The following C2orf76 variants were observed in gnomAD, a reference collection of about 807,000 sequenced individuals.
C2orf76 encodes UPF0538 protein C2orf76.
C2orf76 carries 23 observed loss-of-function variants against 16.9 expected under a neutral mutation model. The observed-to-expected ratio is 1.36, with a 90% confidence interval of 0.98 to 1.93. The LOEUF is 1.93. Among genes scored for constraint, C2orf76 ranks in the 30% most tolerant of loss-of-function variants. The probability of loss-of-function intolerance (pLI) is 0.00; values close to 1 mark genes in which losing one functional copy is unlikely to be tolerated. For synonymous variants in C2orf76, 48 were observed against 52.3 expected, an observed-to-expected ratio of 0.92 and a Z score of 0.35; for missense variants, 152 against 152.6, an observed-to-expected ratio of 1.00 and a Z score of 0.02.
intron 4 of C2orf76, among the ~76,000 whole-genome samples, chr2:119,315,205 C>G (rs1395407458): frequency 6.6e-6 from 1 of 152,094 alleles, no homozygotes; most frequent in Non-Finnish European, 1.5e-5. Flanking sequence ...CACACACACA[C>G]ACACAGAGGA....
the C2orf76 span, among the ~76,000 whole-genome samples, chr2:119,293,589 G>C: frequency 1.3e-5 from 2 of 152,302 alleles, no homozygotes; most frequent in African/African-American, 4.8e-5. Flanking sequence ...AATTGTAGTG[G>C]GGTAGAAGTG....
the C2orf76 span, among the ~76,000 whole-genome samples, chr2:119,281,261 C>T: frequency 2.8e-3 from 424 of 152,280 alleles, 3 homozygotes; most frequent in African/African-American, 9.4e-3. Context: ...TTTTCTGCTC[C>T]TCTCCCTCCT....
the C2orf76 span, among the ~76,000 whole-genome samples, chr2:119,282,809 C>A: frequency 5.9e-5 from 9 of 152,174 alleles, no homozygotes; most frequent in African/African-American, 2.2e-4. Flanking sequence ...AAAAAATAAT[C>A]CAAATGTCAT....
At chr2:119,315,246 T>C (rs751557119) in intron 4 of C2orf76, among the ~76,000 whole-genome samples, 1 of 152,024 alleles carries the variant, frequency 6.6e-6, no homozygotes, top group Non-Finnish European at 1.5e-5. Context: ...CAGTCAGTCT[T>C]TTTATTGTGG....
intron 5 of C2orf76, among the ~76,000 whole-genome samples, chr2:119,308,859 G>C (rs1678882131): frequency 6.6e-6 from 1 of 152,136 alleles, no homozygotes; most frequent in Admixed American, 6.5e-5. Flanking sequence ...AAGTCTTATT[G>C]GTCAAACCGA....
In C2orf76 at chr2:119,302,370, C is replaced by A; in HGVS notation, c.*102G>T. 1.8e-6 allele frequency: 1 copy of A among 544,936 alleles called. No homozygotes were observed. Among genetic ancestry groups the A allele is most frequent in the Non-Finnish European group, 3.4e-6 (1 of 297,340 alleles). The allele number at this position is 544,936 out of a possible 1,614,324, so 33.8% of individuals were successfully genotyped here. A position where few individuals can be genotyped will look rare whatever the true frequency, so the allele number is the denominator to read the frequency against. On this transcript the variant is annotated 3_prime_UTR_variant, in exon 6 of 6. Transcript: ENST00000334816. ...CCAGATTTTAGCTCAAAGAGTATAG[C>A]CTGGGATTAATTTTTTAAGATTTGT...
chr2:119,331,499 C>T (rs1399044114), intron 2 of C2orf76, among the ~76,000 whole-genome samples: 4 of 152,196 alleles, frequency 2.6e-5, no homozygotes, highest in Non-Finnish European at 5.9e-5. Flanking sequence ...CTCTGCATAT[C>T]TTCAAAGATC....
intron 1 of C2orf76, among the ~76,000 whole-genome samples, chr2:119,363,109 A>T (rs1458826781): frequency 2.0e-5 from 3 of 151,776 alleles, no homozygotes; most frequent in African/African-American, 7.3e-5. Flanking sequence ...AAGCATTTCC[A>T]AAGTCCCTTC....
chr2:119,346,516 C>A (rs1397086795), intron 1 of C2orf76, among the ~76,000 whole-genome samples: 1 of 152,044 alleles, frequency 6.6e-6, no homozygotes, highest in Non-Finnish European at 1.5e-5. Context: ...GGGAATCAAG[C>A]TGAATGAAAA....
chr2:119,336,006 T>C (rs906748857), intron 2 of C2orf76, among the ~76,000 whole-genome samples: 1 of 152,240 alleles, frequency 6.6e-6, no homozygotes, highest in African/African-American at 2.4e-5. Context: ...GTTATCTAGA[T>C]AATTGGTTTG....
intron 3 of C2orf76, among the ~76,000 whole-genome samples, chr2:119,317,705 T>A (rs1264836501): frequency 2.0e-5 from 3 of 150,420 alleles, no homozygotes; most frequent in African/African-American, 7.5e-5. Flanking sequence ...TCTTTATCTT[T>A]TAAAGCCTTG....
At chr2:119,333,116 A>G (rs947951446) in intron 2 of C2orf76, among the ~76,000 whole-genome samples, 1 of 152,250 alleles carries the variant, frequency 6.6e-6, no homozygotes. Flanking sequence ...TAAAAACAAC[A>G]AAGCATTGCC....
chr2:119,311,426 C>G, intron 5 of C2orf76, 196 bp downstream of exon 5: 1 of 985,420 alleles, frequency 1.0e-6, no homozygotes, highest in Non-Finnish European at 1.2e-6. Flanking sequence ...ATTTGGAGAG[C>G]AGACACCTAC....
chr2:119,316,236 G>A (rs1224319233), intron 4 of C2orf76, among the ~76,000 whole-genome samples: 1 of 152,194 alleles, frequency 6.6e-6, no homozygotes, highest in African/African-American at 2.4e-5. Flanking sequence ...AAATATGGTG[G>A]CCACACATTC....
At chr2:119,322,514 T>C (rs1203167861) in intron 2 of C2orf76, among the ~76,000 whole-genome samples, 1 of 152,098 alleles carries the variant, frequency 6.6e-6, no homozygotes, top group Non-Finnish European at 1.5e-5. Context: ...AGCCGGAAAT[T>C]TATTATCATA....
chr2:119,360,888 T>C (rs1200468657), intron 1 of C2orf76, among the ~76,000 whole-genome samples: 1 of 152,172 alleles, frequency 6.6e-6, no homozygotes, highest in Non-Finnish European at 1.5e-5. Context: ...ACAAAAAGGC[T>C]ATATACCACA....
At chr2:119,301,268 C>T (rs114820185), downstream of C2orf76, among the ~76,000 whole-genome samples, 545 of 152,318 alleles carry the variant, frequency 3.6e-3, 4 homozygotes, top group African/African-American at 0.012. Flanking sequence ...CAACACTTTG[C>T]TCCTGAATGA....
At chr2:119,289,583 G>T in the C2orf76 span, among the ~76,000 whole-genome samples, 1 of 151,950 alleles carries the variant, frequency 6.6e-6, no homozygotes, top group African/African-American at 2.4e-5. Flanking sequence ...CTACTTGGGA[G>T]GCTGAGGCAG....
At chr2:119,301,104 C>CACACACACACAA (rs531243604), downstream of C2orf76, among the ~76,000 whole-genome samples, 18 of 141,990 alleles carry the variant, frequency 1.3e-4, no homozygotes, top group South Asian at 8.4e-4. Context: ...CACACACACA[C>CACACACACACAA]AACTAATTTC....
Sources: allele counts gnomAD v4.1 joint callset (sites outside exome capture counted in the v4.1 genomes callset), GRCh38; gene constraint gnomAD v4.1.1; transcripts MANE v1.5; gene names NCBI Gene and HGNC (gene_info 2026-07-23, HGNC 2026-07-21).